NOSTRIN: variants seen among roughly 807,000 people sequenced by gnomAD.
NOSTRIN encodes the protein nitric oxide synthase trafficking, also known as BM247 homolog.
Under a neutral mutation model 59.0 loss-of-function variants are expected in NOSTRIN, and 63 were observed. The observed-to-expected ratio is 1.07, with a 90% confidence interval of 0.87 to 1.32. The LOEUF (loss-of-function observed/expected upper bound fraction) is 1.32. Ranked by LOEUF, NOSTRIN falls within the 40% of genes most tolerant of loss-of-function variation. NOSTRIN has a pLI of 0.00. For missense variants in NOSTRIN, 512 were observed against 473.1 expected (o/e 1.08, Z -0.76); for synonymous variants, 200 against 165.4 (o/e 1.21, Z -1.61).
At chr2:168,804,260 C>T (rs9287902) in intron 1 of NOSTRIN, among the ~76,000 whole-genome samples, 2,234 of 152,270 alleles carry the variant, frequency 0.015, 57 homozygotes, top group African/African-American at 0.051. Flanking sequence ...CCCTGGCATG[C>T]TGAATAGTTC....
chr2:168,833,440 G>A (rs1441816899), intron 6 of NOSTRIN, among the ~76,000 whole-genome samples: 5 of 152,214 alleles, frequency 3.3e-5, no homozygotes, highest in Non-Finnish European at 1.5e-5. Flanking sequence ...TTACTATCTG[G>A]TTTGACAGTC....
chr2:168,834,504 C>T (rs1216576994), intron 7 of NOSTRIN, among the ~76,000 whole-genome samples, 179 bp downstream of exon 7: 1 of 113,028 alleles, frequency 8.8e-6, no homozygotes, highest in Non-Finnish European at 1.9e-5. Context: ...CGCGCGCGCG[C>T]GCGCACACAC....
rs1050275651 is a variant in NOSTRIN at position 168,860,093 on chromosome 2, T to C, written c.1179+456T>C. Among the ~76,000 whole-genome samples, 9 of 152,208 alleles carry C rather than the reference T, an allele frequency of 5.9e-5. No individual in the cohort carries two copies. The East Asian group carries it at 1.7e-3, about 29-fold the overall frequency. ...TTTATTACTGATCAGAAGGGGGAAC[T>C]GTAATCATCTTGTGAAGGGACAGTT... On this transcript the variant is annotated intron_variant, in intron 13 of 15. Transcript: ENST00000317647.
At chr2:168,859,382 G>T in intron 12 of NOSTRIN, 130 bp from the exon 13 acceptor site, 2 of 1,360,780 alleles carry the variant, frequency 1.5e-6, no homozygotes, top group Non-Finnish European at 2.0e-6. Flanking sequence ...GGCATTTTCT[G>T]TGAATATCTG....
chr2:168,825,382 T>C (rs1687003238), intron 3 of NOSTRIN, among the ~76,000 whole-genome samples: 1 of 152,206 alleles, frequency 6.6e-6, no homozygotes, highest in Non-Finnish European at 1.5e-5. Context: ...TTGGTAATGA[T>C]ATTTAACTTG....
intron 1 of NOSTRIN, 132 bp downstream of exon 1, chr2:168,802,805 C>T: frequency 2.7e-6 from 2 of 743,718 alleles, no homozygotes; most frequent in Non-Finnish European, 2.4e-6. Flanking sequence ...GGCTGTGGTG[C>T]AAAAGTTTGT....
At chr2:168,838,551 T>C (rs887249229) in intron 7 of NOSTRIN, among the ~76,000 whole-genome samples, 1 of 152,120 alleles carries the variant, frequency 6.6e-6, no homozygotes. Flanking sequence ...CAAATACTTC[T>C]TGAATATCTT....
chr2:168,816,150 A>G (rs900312389), intron 2 of NOSTRIN, among the ~76,000 whole-genome samples: 2 of 151,830 alleles, frequency 1.3e-5, no homozygotes, highest in African/African-American at 2.4e-5. Flanking sequence ...AATCTAATCC[A>G]CTCTTACCCC....
rs766583525 is a variant in NOSTRIN, at chr2:168,860,806, T to C, written c.1191T>C (p.His397=). Residue 397 remains histidine, a synonymous_variant, in exon 14 of 16, where the codon CAT becomes CAC. Transcript: ENST00000317647. ...IFRWREKEHT[H]SYVKISRPFL... ...TGTCATTTGAACAGGAGCATACTCA[T>C]AGCTATGTGAAAATATCTCGGCCTT... 6.5e-5 allele frequency: 105 copies of C among 1,605,864 alleles called. No individual in the cohort carries two copies. The East Asian group carries it at 1.9e-3, about 28-fold the overall frequency.
intron 2 of NOSTRIN, among the ~76,000 whole-genome samples, chr2:168,815,580 C>G (rs1314552855): frequency 6.6e-6 from 1 of 152,142 alleles, no homozygotes; most frequent in Non-Finnish European, 1.5e-5. Flanking sequence ...TAGTTGACCA[C>G]TTGTTCAATC....
In NOSTRIN at chr2:168,831,867, C is replaced by G. The variant is rs1000991126; in HGVS notation, c.405+333C>G. ...GACACAGAGAGTTTCAGTAATTTTC[C>G]CAAGGATACAGAGCTGGTTAATGGT... On this transcript the variant is annotated intron_variant, in intron 6 of 15. Transcript: ENST00000317647. Among the ~76,000 whole-genome samples, 93 of 152,142 alleles carry G rather than the reference C, an allele frequency of 6.1e-4. 2 individuals carry two copies. Among genetic ancestry groups the G allele is most frequent in the Admixed American group, 6.1e-3 (93 of 15,272 alleles).
chr2:168,838,682 C>T (rs1687880880), intron 7 of NOSTRIN, among the ~76,000 whole-genome samples: 1 of 152,112 alleles, frequency 6.6e-6, no homozygotes, highest in African/African-American at 2.4e-5. Context: ...TATCTATTCC[C>T]CATGTACAAG....
At chr2:168,861,831 A>T (rs1689468297) in intron 14 of NOSTRIN, 129 bp from the exon 15 acceptor site, 2 of 783,540 alleles carry the variant, frequency 2.6e-6, no homozygotes, top group Non-Finnish European at 4.1e-6. Flanking sequence ...ATAAAATTAC[A>T]AACTTTCCTT....
At chr2:168,842,820 A>G (rs1303431440) in intron 7 of NOSTRIN, among the ~76,000 whole-genome samples, 172 bp from the exon 8 acceptor site, 1 of 152,206 alleles carries the variant, frequency 6.6e-6, no homozygotes, top group African/African-American at 2.4e-5. Context: ...AGGTTTGGCC[A>G]TGCCTTTTTT....
chr2:168,805,348 T>C (rs1009709936), intron 1 of NOSTRIN, among the ~76,000 whole-genome samples: 1 of 152,202 alleles, frequency 6.6e-6, no homozygotes, highest in Admixed American at 6.5e-5. Context: ...TCTTTAAAGT[T>C]CTGTTTTTGA....
At chr2:168,863,590 T>A in intron 15 of NOSTRIN, 1 of 985,270 alleles carries the variant, frequency 1.0e-6, no homozygotes, top group Non-Finnish European at 1.2e-6. Flanking sequence ...TGTCTCCAAA[T>A]TGATGTTGTA....
chr2:168,834,490 T>TGCGCGCGC (rs145224351), intron 7 of NOSTRIN, among the ~76,000 whole-genome samples, 165 bp downstream of exon 7: 38 of 87,568 alleles, frequency 4.3e-4, no homozygotes, highest in Non-Finnish European at 6.3e-4. Context: ...ATTACTGGCG[T>TGCGCGCGC]GCGCGCGCGC....
chr2:168,820,743 C>T (rs1457316110), intron 2 of NOSTRIN, among the ~76,000 whole-genome samples: 2 of 148,668 alleles, frequency 1.3e-5, no homozygotes, highest in Non-Finnish European at 3.0e-5. Context: ...CCCCAAATCA[C>T]CTCAAAGTGA....
At chr2:168,848,863 G>T (rs1395046715) in intron 8 of NOSTRIN, among the ~76,000 whole-genome samples, 1 of 152,150 alleles carries the variant, frequency 6.6e-6, no homozygotes, top group Non-Finnish European at 1.5e-5. Flanking sequence ...GATGAATTAT[G>T]GTGGTGTTTG....
Sources: gnomAD v4.1 joint callset for allele counts (sites outside exome capture counted in the v4.1 genomes callset) on GRCh38, gnomAD v4.1.1 for gene constraint, MANE v1.5 for transcripts, NCBI Gene and HGNC (gene_info 2026-07-23, HGNC 2026-07-21) for gene names.